The following LHFPL3 variants were observed in gnomAD, a reference collection of about 807,000 sequenced individuals.
LHFPL3 encodes the protein LHFPL tetraspan subfamily member 3.
In LHFPL3, 5 loss-of-function variants were observed where a neutral mutation model predicts 19.3. That is an observed-to-expected ratio of 0.26 (90% CI 0.14 to 0.54). The LOEUF is 0.54. Among genes scored for constraint, LHFPL3 ranks in the 20% least tolerant of loss-of-function variants. The pLI, the probability that LHFPL3 is intolerant of heterozygous loss-of-function variation, is 0.94. For synonymous variants in LHFPL3, 133 were observed against 126.2 expected (o/e 1.05, Z -0.36); for missense variants, 249 against 307.4 (o/e 0.81, Z 1.42).
chr7:104,524,062 C>T (rs995733580), intron 1 of LHFPL3, among the ~76,000 whole-genome samples: 10 of 152,142 alleles, frequency 6.6e-5, no homozygotes, highest in African/African-American at 2.4e-4. Flanking sequence ...TTGCTTTTCT[C>T]TTTTGCCCTA....
chr7:104,789,854 A>G (rs988930872), intron 2 of LHFPL3, among the ~76,000 whole-genome samples: 1 of 152,152 alleles, frequency 6.6e-6, no homozygotes, highest in Non-Finnish European at 1.5e-5. Flanking sequence ...ATGAAGAGTG[A>G]TCCCTTTAAC....
chr7:104,847,047 G>A (rs2116605337), intron 2 of LHFPL3, among the ~76,000 whole-genome samples: 1 of 152,326 alleles, frequency 6.6e-6, no homozygotes, highest in African/African-American at 2.4e-5. Context: ...AAGAACAAGG[G>A]CAGGAAGAAG....
At chr7:104,533,724 A>G (rs1794344318) in intron 1 of LHFPL3, among the ~76,000 whole-genome samples, 1 of 152,156 alleles carries the variant, frequency 6.6e-6, no homozygotes, top group South Asian at 2.1e-4. Context: ...CTCTTGTCCA[A>G]CTGGTTCAGG....
rs147294481 is a variant in LHFPL3 at position 104,457,225 on chromosome 7, C to T, written c.445+128001C>T. ...TGCTGGTGTGCTGCATCCATTAACT[C>T]GTCATTTAGCATTAGGTATATCTCC... On this transcript the variant is annotated intron_variant, in intron 1 of 2. Coordinates refer to ENST00000424859, the MANE Select transcript of LHFPL3 (RefSeq NM_199000.3). 7.5e-3 allele frequency among the ~76,000 whole-genome samples: 1,146 copies of T among 151,910 alleles called. 51 individuals are homozygous for T. The East Asian group carries it at 0.13, about 17-fold the overall frequency.
chr7:104,492,679 T>C (rs752951245), intron 1 of LHFPL3, among the ~76,000 whole-genome samples: 4 of 152,264 alleles, frequency 2.6e-5, no homozygotes, highest in Non-Finnish European at 5.9e-5. Flanking sequence ...TTCACATTCA[T>C]TTATAACTAT....
chr7:104,879,686 G>A lies in LHFPL3; in HGVS notation c.683-26501G>A, dbSNP rs1792011722. ...GCCACAGTGAACTATGTGTGGCAGA[G>A]CAAGAATCTGTCTCTAAAAGAAAAT... On this transcript the variant is annotated intron_variant, in intron 2 of 2. Coordinates refer to ENST00000424859, the MANE Select transcript of LHFPL3 (RefSeq NM_199000.3). Among the ~76,000 whole-genome samples, 5 of 152,366 alleles carry A rather than the reference G, an allele frequency of 3.3e-5. No individual in the cohort carries two copies. In the South Asian group the frequency reaches 1.0e-3, roughly 32 times the overall value.
intron 1 of LHFPL3, among the ~76,000 whole-genome samples, chr7:104,656,261 T>C (rs575233268): frequency 5.7e-4 from 86 of 151,832 alleles, no homozygotes; most frequent in African/African-American, 2.0e-3. Flanking sequence ...TCATGATTGC[T>C]AAGTACCATC....
At chr7:104,455,587 G>T (rs2116609630) in intron 1 of LHFPL3, among the ~76,000 whole-genome samples, 1 of 152,176 alleles carries the variant, frequency 6.6e-6, no homozygotes, top group Non-Finnish European at 1.5e-5. Context: ...TGGGTGTGGT[G>T]GTACACACTT....
chr7:104,809,183 C>T (rs1293639833), intron 2 of LHFPL3, among the ~76,000 whole-genome samples: 1 of 152,178 alleles, frequency 6.6e-6, no homozygotes, highest in Admixed American at 6.5e-5. Context: ...CGTGAGCCCG[C>T]GTGCCCAGCC....
At chr7:104,447,798 C>A (rs2116594506) in intron 1 of LHFPL3, among the ~76,000 whole-genome samples, 1 of 152,050 alleles carries the variant, frequency 6.6e-6, no homozygotes, top group Admixed American at 6.6e-5. Context: ...AATCAAAATT[C>A]TTTTAAAATG....
At chr7:104,515,815 A>G (rs1049644805) in intron 1 of LHFPL3, among the ~76,000 whole-genome samples, 2 of 152,096 alleles carry the variant, frequency 1.3e-5, no homozygotes, top group African/African-American at 2.4e-5. Context: ...TACTGAGGCA[A>G]TTTAAGTTGT....
At chr7:104,559,769 G>A (rs1334534298) in intron 1 of LHFPL3, among the ~76,000 whole-genome samples, 3 of 150,950 alleles carry the variant, frequency 2.0e-5, no homozygotes, top group South Asian at 2.1e-4. Flanking sequence ...AGTTTTCAGA[G>A]GGAATGCTTC....
At chr7:104,599,262 G>C (rs573964479) in intron 1 of LHFPL3, among the ~76,000 whole-genome samples, 1 of 152,176 alleles carries the variant, frequency 6.6e-6, no homozygotes, top group African/African-American at 2.4e-5. Flanking sequence ...CATAAATATA[G>C]AATAACACTA....
At chr7:104,773,016 T>A (rs964761170) in intron 2 of LHFPL3, among the ~76,000 whole-genome samples, 8 of 152,256 alleles carry the variant, frequency 5.3e-5, no homozygotes, top group African/African-American at 7.2e-5. Flanking sequence ...TTAACCTATT[T>A]ATTAAAATTT....
Position 104,870,220 on chromosome 7 carries a change from AC to A in LHFPL3, c.683-35964del, listed in dbSNP as rs549188519. Among the ~76,000 whole-genome samples, 21 of 152,308 alleles carry A rather than the reference AC, an allele frequency of 1.4e-4. No individual in the cohort carries two copies. In the South Asian group the frequency reaches 3.9e-3, roughly 29 times the overall value. On this transcript the variant is annotated intron_variant, in intron 2 of 2. Coordinates refer to ENST00000424859, the MANE Select transcript of LHFPL3 (RefSeq NM_199000.3). ...ACAAACCTGCATGTTGTGCACATGT[AC>A]CCTAAAACTTAAAGTATAATAATAA...
chr7:104,771,814 CTCTT>C (rs1335327063), intron 2 of LHFPL3, among the ~76,000 whole-genome samples: 17 of 122,512 alleles, frequency 1.4e-4, no homozygotes, highest in Middle Eastern at 4.1e-3. Context: ...TCTTTTGCCT[CTCTT>C]TTTTTTTTTT....
At chr7:104,657,188 A>G (rs1792136505) in intron 1 of LHFPL3, among the ~76,000 whole-genome samples, 1 of 152,270 alleles carries the variant, frequency 6.6e-6, no homozygotes, top group Non-Finnish European at 1.5e-5. Flanking sequence ...AAGCATCAAA[A>G]TATTCAATCA....
At chr7:104,843,677 C>T (rs1313292422) in intron 2 of LHFPL3, among the ~76,000 whole-genome samples, 1 of 152,098 alleles carries the variant, frequency 6.6e-6, no homozygotes, top group Non-Finnish European at 1.5e-5. Flanking sequence ...AGGAGAGGGC[C>T]TGTACCTTCT....
At chr7:104,810,468 C>G (rs543248944) in intron 2 of LHFPL3, among the ~76,000 whole-genome samples, 2 of 152,084 alleles carry the variant, frequency 1.3e-5, no homozygotes, top group African/African-American at 4.8e-5. Flanking sequence ...GTAGAACTCA[C>G]AAGAACTGAG....
Sources: allele counts gnomAD v4.1 joint callset (sites outside exome capture counted in the v4.1 genomes callset), GRCh38; gene constraint gnomAD v4.1.1; transcripts MANE v1.5; gene names NCBI Gene and HGNC (gene_info 2026-07-23, HGNC 2026-07-21).